The following PAK3 variants were observed in gnomAD, a reference collection of about 807,000 sequenced individuals.
PAK3 encodes the protein serine/threonine-protein kinase PAK 3.
In PAK3, 4 loss-of-function variants were observed where a neutral mutation model predicts 41.0. The ratio of observed to expected loss-of-function variants is 0.10; its 90% confidence interval spans 0.05 to 0.22. The LOEUF is 0.22. PAK3 is among the 10% of genes least tolerant of loss of function. The pLI, the probability that PAK3 is intolerant of heterozygous loss-of-function variation, is 1.00. For missense variants in PAK3, 205 were observed against 409.9 expected (o/e 0.50, Z 4.32); for synonymous variants, 146 against 139.6 (o/e 1.05, Z -0.32).
intron 1 of PAK3, among the ~76,000 whole-genome samples, chrX:111,019,076 C>A (rs184464741): frequency 2.4e-3 from 265 of 111,136 alleles, no homozygotes; most frequent in African/African-American, 7.9e-3. Flanking sequence ...TTACCTTACA[C>A]CATATACATA....
intron 1 of PAK3, among the ~76,000 whole-genome samples, chrX:110,982,251 T>G (rs2091461202): frequency 9.0e-6 from 1 of 111,571 alleles, no homozygotes. Context: ...TATATTTGAG[T>G]CCACTCCTGC....
chrX:111,144,134 C>A (rs1260868605), intron 6 of PAK3, among the ~76,000 whole-genome samples: 1 of 111,633 alleles, frequency 9.0e-6, no homozygotes, highest in Non-Finnish European at 1.9e-5. Flanking sequence ...TCAATTAGAA[C>A]CCAAAGAACC....
intron 1 of PAK3, among the ~76,000 whole-genome samples, chrX:110,981,741 T>C (rs1039789075): frequency 9.0e-6 from 1 of 111,651 alleles, no homozygotes; most frequent in Non-Finnish European, 1.9e-5. Flanking sequence ...AATGAGACCC[T>C]AAGTAGAAGA....
rs1219016899 is a variant in PAK3, at chrX:111,205,107, CT to C, written c.1407+8469del. On this transcript the variant is annotated intron_variant, in intron 16 of 17. Coordinates refer to ENST00000372007, the MANE Select transcript of PAK3 (RefSeq NM_002578.5). ...GAAATCCATAACCTTGTGCAGGTTTCTTCTTGCTGAGCCTACATTTCCTTAT... is the reference window on the plus strand; with the variant it reads ...GAAATCCATAACCTTGTGCAGGTTTCTCTTGCTGAGCCTACATTTCCTTAT... 3.7e-5 allele frequency among the ~76,000 whole-genome samples: 4 copies of C among 109,492 alleles called. No homozygotes were observed. In the Admixed American group the frequency reaches 3.9e-4, roughly 11 times the overall value.
intron 1 of PAK3, among the ~76,000 whole-genome samples, chrX:111,060,774 G>T (rs2092649124): frequency 9.0e-6 from 1 of 111,363 alleles, no homozygotes. Context: ...GGATTTGTCT[G>T]ATTGTTTCAT....
chrX:111,140,754 T>G lies in PAK3; in HGVS notation c.176-1342T>G, dbSNP rs530963539. Reference sequence around the variant, plus strand: ...CCTTTCTTTCCTGATCCTGTATAGTTCCTCTCACTACTTCAGTTTTCTTAT... The same window carrying G: ...CCTTTCTTTCCTGATCCTGTATAGTGCCTCTCACTACTTCAGTTTTCTTAT... On this transcript the variant is annotated intron_variant, in intron 5 of 17. Transcript: ENST00000372007. 4.5e-5 allele frequency among the ~76,000 whole-genome samples: 5 copies of G among 111,835 alleles called. No individual in the cohort carries two copies. In the South Asian group the frequency reaches 1.9e-3, roughly 42 times the overall value.
intron 1 of PAK3, among the ~76,000 whole-genome samples, chrX:111,005,604 A>T (rs2091910998): frequency 9.0e-6 from 1 of 111,595 alleles, no homozygotes; most frequent in African/African-American, 3.3e-5. Flanking sequence ...GTTGTGAGAA[A>T]GCAATGTCCA....
In PAK3 at chrX:111,222,606, A is replaced by T. The variant is rs906528763; in HGVS notation, c.*2159A>T. 3 of 112,203 alleles carry T rather than the reference A, an allele frequency of 2.7e-5. No individual in the cohort carries two copies. The highest frequency in any genetic ancestry group is 2.8e-4 in the East Asian group (1 of 3,592). The allele number at this position is 112,203 out of a possible 1,213,427, so 9.2% of individuals were successfully genotyped here. A position where few individuals can be genotyped will look rare whatever the true frequency, so the allele number is the denominator to read the frequency against. The stretch of plus-strand genomic sequence containing the variant: ...CATTTAAAAATAAGTACTTTAAAAA[A>T]TTTTTCACTCATAGTGCCGGGAAAT... On this transcript the variant is annotated 3_prime_UTR_variant, in exon 18 of 18. Transcript: ENST00000372007.
intron 1 of PAK3, among the ~76,000 whole-genome samples, chrX:111,081,290 C>G (rs1480165362): frequency 1.8e-5 from 2 of 111,344 alleles, no homozygotes; most frequent in East Asian, 5.6e-4. Flanking sequence ...CATTCAAACT[C>G]TTGAGCTCAA....
At chrX:111,064,398 G>T (rs2092684752) in intron 1 of PAK3, among the ~76,000 whole-genome samples, 1 of 110,657 alleles carries the variant, frequency 9.0e-6, no homozygotes, top group East Asian at 2.8e-4. Context: ...TCATCACCCA[G>T]GTAGTGAGCA....
intron 4 of PAK3, among the ~76,000 whole-genome samples, chrX:111,107,721 C>T (rs1257593355): frequency 8.9e-6 from 1 of 111,932 alleles, no homozygotes; most frequent in African/African-American, 3.2e-5. Flanking sequence ...AACCCAACTC[C>T]CTGCCATTAG....
chrX:111,179,964 G>T (rs147430785), intron 11 of PAK3, among the ~76,000 whole-genome samples: 6 of 110,110 alleles, frequency 5.4e-5, no homozygotes, highest in African/African-American at 1.7e-4. Flanking sequence ...CACCATGTTG[G>T]CCAGGCTGGT....
At chrX:111,193,645 C>T (rs749846214) in intron 13 of PAK3, among the ~76,000 whole-genome samples, 33 of 111,022 alleles carry the variant, frequency 3.0e-4, no homozygotes, top group African/African-American at 9.8e-4. Flanking sequence ...CCACTCCACC[C>T]GGCCGCAAAT....
intron 11 of PAK3, among the ~76,000 whole-genome samples, chrX:111,173,687 T>C (rs2094372925): frequency 9.0e-6 from 1 of 111,416 alleles, no homozygotes; most frequent in Admixed American, 9.6e-5. Flanking sequence ...GGTTCAGTGA[T>C]CTGAACTTTG....
At chrX:111,194,211 T>C (rs933234661) in intron 13 of PAK3, 90 bp from the exon 14 acceptor site, 12 of 599,206 alleles carry the variant, frequency 2.0e-5, no homozygotes, top group Non-Finnish European at 3.2e-5. Context: ...CAACTCAGAG[T>C]TGACTTCTAT....
chrX:111,164,276 T>TA (rs929811519), intron 10 of PAK3, among the ~76,000 whole-genome samples: 1 of 111,185 alleles, frequency 9.0e-6, no homozygotes. Flanking sequence ...ACACTTACCT[T>TA]CTAGTTACTT....
chrX:111,180,008 T>C (rs1274632899), intron 11 of PAK3, among the ~76,000 whole-genome samples: 2 of 111,109 alleles, frequency 1.8e-5, no homozygotes, highest in Non-Finnish European at 3.8e-5. Context: ...TCCACCCACC[T>C]CAGCCTCCCA....
rs2094953019 is a variant in PAK3, at chrX:111,226,327, A to G, written c.*5880A>G. The G allele has an allele frequency of 8.9e-6, 1 of 112,009 alleles. No homozygotes were observed. The highest frequency in any genetic ancestry group is 3.2e-5 in the African/African-American group (1 of 30,808). 9.2% of individuals were successfully genotyped at this position (112,009 alleles called of 1,213,427 possible). A position where few individuals can be genotyped will look rare whatever the true frequency, so the allele number is the denominator to read the frequency against. ...ACTGTTCCCAGTTTTCATTTTCCAT[A>G]CAGTCTGTATGTAAAGTCTGGTTTT... On this transcript the variant is annotated 3_prime_UTR_variant, in exon 18 of 18. Coordinates refer to ENST00000372007, the MANE Select transcript of PAK3 (RefSeq NM_002578.5).
chrX:111,210,318 T>G (rs935429776), intron 16 of PAK3, among the ~76,000 whole-genome samples: 8 of 111,297 alleles, frequency 7.2e-5, no homozygotes, highest in Non-Finnish European at 1.3e-4. Context: ...GAACACTTTT[T>G]TTCTTCCCTT....
Sources: allele counts gnomAD v4.1 joint callset (sites outside exome capture counted in the v4.1 genomes callset), GRCh38; gene constraint gnomAD v4.1.1; transcripts MANE v1.5; gene names NCBI Gene and HGNC (gene_info 2026-07-23, HGNC 2026-07-21).